Variants in TG observed in about 807,000 individuals in gnomAD.
The protein encoded by TG is thyroid hormones.
TG carries 270 observed loss-of-function variants against 324.7 expected under a neutral mutation model. That is an observed-to-expected ratio of 0.83 (90% CI 0.75 to 0.92). The LOEUF is 0.92. Among genes scored for constraint, TG ranks in the 40% least tolerant of loss-of-function variants. The pLI is 0.00. For missense variants in TG, 3,591 were observed against 3,456.4 expected, an observed-to-expected ratio of 1.04 and a Z score of -0.98; for synonymous variants, 1,401 against 1,327.0, an observed-to-expected ratio of 1.06 and a Z score of -1.21.
chr8:133,085,189 T>TA (rs1175897281), intron 41 of TG, among the ~76,000 whole-genome samples: 1 of 152,230 alleles, frequency 6.6e-6, no homozygotes, highest in Admixed American at 6.5e-5. Flanking sequence ...AATCTCTCTC[T>TA]AGGACAGGTT....
In TG at chr8:132,957,388, T is replaced by A. The variant is rs1047008547; in HGVS notation, c.5402-3620T>A. Among the ~76,000 whole-genome samples the A allele has an allele frequency of 2.8e-4, 43 of 152,144 alleles. 1 individual carries two copies. Among genetic ancestry groups the A allele is most frequent in the African/African-American group, 1.0e-3 (43 of 41,414 alleles). On this transcript the variant is annotated intron_variant, in intron 27 of 47. Coordinates refer to ENST00000220616, the MANE Select transcript of TG (RefSeq NM_003235.5). ...CTTGAGATGGACAGAGTGTATAAGG[T>A]GTCAGCTTCCTATCACAGTTCAGTA...
intron 35 of TG, among the ~76,000 whole-genome samples, chr8:132,997,700 A>G (rs183875698): frequency 1.8e-4 from 27 of 152,322 alleles, no homozygotes; most frequent in African/African-American, 6.3e-4. Flanking sequence ...ACTCAATAGT[A>G]GTGATTTGAG....
intron 41 of TG, among the ~76,000 whole-genome samples, chr8:133,090,391 C>G (rs986280083): frequency 6.6e-6 from 1 of 152,164 alleles, no homozygotes; most frequent in Non-Finnish European, 1.5e-5. Flanking sequence ...CCTGATTTAA[C>G]TTCATAGTGC....
At chr8:133,035,275 C>T (rs1037829872) in intron 41 of TG, among the ~76,000 whole-genome samples, 5 of 152,020 alleles carry the variant, frequency 3.3e-5, no homozygotes, top group Non-Finnish European at 7.4e-5. Flanking sequence ...TCTTCTTAAC[C>T]TAAGGATTTG....
At chr8:132,933,469 G>A (rs1240788556) in intron 23 of TG, 92 bp from the exon 24 acceptor site, 2 of 710,418 alleles carry the variant, frequency 2.8e-6, no homozygotes, top group African/African-American at 5.9e-5. Context: ...TGTGTGTTTG[G>A]GCATGTGGGG....
At chr8:133,060,927 A>C (rs892073092) in intron 41 of TG, among the ~76,000 whole-genome samples, 2 of 152,258 alleles carry the variant, frequency 1.3e-5, no homozygotes, top group African/African-American at 4.8e-5. Flanking sequence ...GGGTTGCTCC[A>C]TAACGGTTTT....
chr8:132,957,637 C>T (rs1259381836), intron 27 of TG, among the ~76,000 whole-genome samples: 3 of 151,866 alleles, frequency 2.0e-5, no homozygotes, highest in African/African-American at 7.3e-5. Context: ...TTGACATTTC[C>T]TAAGGATTAC....
intron 26 of TG, among the ~76,000 whole-genome samples, chr8:132,942,336 A>G: frequency 6.6e-6 from 1 of 152,364 alleles, no homozygotes; most frequent in East Asian, 1.9e-4. Flanking sequence ...CTGGTGTGCC[A>G]TTGATTGACT....
chr8:132,882,988 C>T lies in TG; in HGVS notation c.1064C>T (p.Pro355Leu), dbSNP rs1468400777. The change falls in exon 8 of 48, where the codon CCG becomes CTG. Residue 355 changes from proline (P) to leucine (L), a missense_variant. Transcript: ENST00000220616. ...CATGGAACCCGGCAGCAAGGGGAGC[C>T]GCCATCTTGTGGTGGGTTTCCTCTG... ...EMHGTRQQGE[P>L]PSCAEGQSCA... The T allele has an allele frequency of 3.7e-6, 6 of 1,613,796 alleles. No individual in the cohort carries two copies. Among genetic ancestry groups the T allele is most frequent in the South Asian group, 3.3e-5 (3 of 91,072 alleles).
intron 44 of TG, among the ~76,000 whole-genome samples, chr8:133,115,516 C>A (rs938345876): frequency 6.6e-6 from 1 of 152,214 alleles, no homozygotes; most frequent in African/African-American, 2.4e-5. Context: ...CCAGCAGACT[C>A]ACCAAAGGCT....
rs746371776 is a variant in TG at position 133,134,817 on chromosome 8, A to C, written c.*23A>C. The C allele has an allele frequency of 1.2e-6, 2 of 1,600,298 alleles. No individual in the cohort carries two copies. Among genetic ancestry groups the C allele is most frequent in the Non-Finnish European group, 1.7e-6 (2 of 1,167,640 alleles). Reference sequence around the variant, plus strand: ...TGACCAGCCCTTGAGCTCCCCAAAAACCTCACCCGAGGCTGCCCACTATGG... The same window carrying C: ...TGACCAGCCCTTGAGCTCCCCAAAACCCTCACCCGAGGCTGCCCACTATGG... On this transcript the variant is annotated 3_prime_UTR_variant, in exon 48 of 48. Transcript: ENST00000220616.
intron 11 of TG, among the ~76,000 whole-genome samples, chr8:132,896,565 G>A (rs1817130507): frequency 6.6e-6 from 1 of 152,168 alleles, no homozygotes; most frequent in Non-Finnish European, 1.5e-5. Flanking sequence ...TGGAGAAAGA[G>A]CTCAGGCGAC....
At chr8:132,941,695 T>A (rs375519143) in intron 26 of TG, among the ~76,000 whole-genome samples, 153 bp downstream of exon 26, 17 of 152,322 alleles carry the variant, frequency 1.1e-4, no homozygotes, top group African/African-American at 4.1e-4. Flanking sequence ...AATACACACA[T>A]GATACTCACA....
In TG at chr8:132,897,583, T is replaced by G. The variant is rs368092129; in HGVS notation, c.3002-66T>G. Reference sequence around the variant, plus strand: ...GTTGGAACCAGGACATACGTGGTTGTTCTCAGCTACAGAGCCCACACAGAG... The same window carrying G: ...GTTGGAACCAGGACATACGTGGTTGGTCTCAGCTACAGAGCCCACACAGAG... On this transcript the variant is annotated intron_variant, in intron 11 of 47. Transcript: ENST00000220616. The G allele has an allele frequency of 4.8e-5, 77 of 1,607,104 alleles. No homozygotes were observed. In the East Asian group the frequency reaches 5.4e-4, roughly 11 times the overall value.
chr8:133,056,228 G>C (rs867539413), intron 41 of TG, among the ~76,000 whole-genome samples: 6 of 152,210 alleles, frequency 3.9e-5, no homozygotes, highest in Middle Eastern at 3.4e-3. Flanking sequence ...GGATTTCTTG[G>C]GCTAGTTATA....
intron 42 of TG, 150 bp from the exon 43 acceptor site, chr8:133,096,056 G>T: frequency 1.1e-6 from 1 of 909,374 alleles, no homozygotes; most frequent in Non-Finnish European, 1.8e-6. Context: ...GTCACATGGT[G>T]TCCTGCCTGC....
chr8:133,120,164 A>G (rs960693040), intron 45 of TG, among the ~76,000 whole-genome samples: 3 of 152,162 alleles, frequency 2.0e-5, no homozygotes, highest in African/African-American at 7.2e-5. Flanking sequence ...CCTTCCTCAC[A>G]TGTAAGGTAG....
chr8:133,113,352 G>C (rs780811900), intron 43 of TG, 70 bp from the exon 44 acceptor site: 39 of 1,575,984 alleles, frequency 2.5e-5, no homozygotes, highest in Middle Eastern at 1.7e-4. Flanking sequence ...CTAGAGCAAG[G>C]GTTTGAGGGA....
chr8:133,089,681 C>T (rs1208945281), intron 41 of TG, among the ~76,000 whole-genome samples: 1 of 152,190 alleles, frequency 6.6e-6, no homozygotes, highest in East Asian at 1.9e-4. Flanking sequence ...CTCCCTCACT[C>T]ATACAGTCAT....
Sources: allele counts gnomAD v4.1 joint callset (sites outside exome capture counted in the v4.1 genomes callset), GRCh38; gene constraint gnomAD v4.1.1; transcripts MANE v1.5; gene names NCBI Gene and HGNC (gene_info 2026-07-23, HGNC 2026-07-21).